Variants in LRRC4C observed in about 807,000 individuals in gnomAD.
LRRC4C encodes the protein leucine rich repeat containing 4C.
A neutral mutation model predicts 33.6 loss-of-function variants in LRRC4C; 5 were observed. That is an observed-to-expected ratio of 0.15 (90% CI 0.08 to 0.31). LRRC4C has a LOEUF of 0.31. Ranked by LOEUF, LRRC4C falls within the 10% of genes least tolerant of loss-of-function variation. The probability of loss-of-function intolerance (pLI) is 1.00; values close to 1 mark genes in which losing one functional copy is unlikely to be tolerated. For synonymous variants in LRRC4C, 329 were observed against 302.0 expected (o/e 1.09, Z -0.93); for missense variants, 560 against 796.7 (o/e 0.70, Z 3.58).
intron 1 of LRRC4C, among the ~76,000 whole-genome samples, chr11:41,066,421 A>G (rs1195396087): frequency 2.0e-5 from 3 of 152,246 alleles, no homozygotes; most frequent in African/African-American, 7.2e-5. Flanking sequence ...ATTATGTAAA[A>G]AGACCGAACC....
chr11:40,148,011 T>A (rs544252655), intron 5 of LRRC4C, among the ~76,000 whole-genome samples: 57 of 152,330 alleles, frequency 3.7e-4, no homozygotes, highest in African/African-American at 1.4e-3. Context: ...TTTCTGTTCC[T>A]GTGCTACTTT....
intron 3 of LRRC4C, among the ~76,000 whole-genome samples, chr11:40,588,293 G>C: frequency 6.6e-6 from 1 of 151,832 alleles, no homozygotes; most frequent in Non-Finnish European, 1.5e-5. Flanking sequence ...TCTGATGGTA[G>C]TTTGTATTTC....
chr11:41,052,821 G>T (rs938998349), intron 1 of LRRC4C, among the ~76,000 whole-genome samples: 1 of 152,110 alleles, frequency 6.6e-6, no homozygotes, highest in Non-Finnish European at 1.5e-5. Context: ...TTTACAAAAT[G>T]ATAATTACAT....
chr11:41,441,938 T>TA (rs1238836768), intron 1 of LRRC4C, among the ~76,000 whole-genome samples: 1 of 152,296 alleles, frequency 6.6e-6, no homozygotes, highest in South Asian at 2.1e-4. Context: ...TAGGAAGGTT[T>TA]AAAAAAATTA....
At chr11:40,969,178 T>C (rs1851550769) in intron 1 of LRRC4C, among the ~76,000 whole-genome samples, 1 of 152,088 alleles carries the variant, frequency 6.6e-6, no homozygotes, top group Admixed American at 6.6e-5. Context: ...AATGCAGATA[T>C]GATGAAAACA....
chr11:41,135,252 C>T (rs76918043), intron 1 of LRRC4C, among the ~76,000 whole-genome samples: 3,169 of 152,174 alleles, frequency 0.021, 41 homozygotes, highest in Non-Finnish European at 0.034. Flanking sequence ...TCTGCCTAGA[C>T]AAGCTTGTCT....
At chr11:40,527,662 A>T (rs1156743969) in intron 3 of LRRC4C, among the ~76,000 whole-genome samples, 1 of 152,218 alleles carries the variant, frequency 6.6e-6, no homozygotes, top group African/African-American at 2.4e-5. Context: ...GTCTTTGGAA[A>T]AGCTAAAGTG....
intron 4 of LRRC4C, among the ~76,000 whole-genome samples, chr11:40,262,591 A>G (rs777052280): frequency 1.3e-5 from 2 of 152,224 alleles, no homozygotes; most frequent in African/African-American, 2.4e-5. Flanking sequence ...CAAAATGCCC[A>G]TCAATGATAG....
At chr11:40,810,139 A>G (rs560765038) in intron 2 of LRRC4C, among the ~76,000 whole-genome samples, 62 of 152,270 alleles carry the variant, frequency 4.1e-4, no homozygotes, top group Middle Eastern at 3.4e-3. Flanking sequence ...AGTTTACTCA[A>G]ATCACTATTG....
chr11:40,629,639 C>A (rs2136005515), intron 3 of LRRC4C, among the ~76,000 whole-genome samples: 1 of 152,262 alleles, frequency 6.6e-6, no homozygotes, highest in East Asian at 1.9e-4. Flanking sequence ...GTCACCATAG[C>A]TTTGATTAAG....
At chr11:41,009,272 T>C (rs762909099) in intron 1 of LRRC4C, among the ~76,000 whole-genome samples, 1 of 151,924 alleles carries the variant, frequency 6.6e-6, no homozygotes, top group Non-Finnish European at 1.5e-5. Context: ...TGAATATATA[T>C]ATCCAAAACA....
chr11:41,184,038 C>G (rs1336571851), intron 1 of LRRC4C, among the ~76,000 whole-genome samples: 1 of 152,188 alleles, frequency 6.6e-6, no homozygotes, highest in African/African-American at 2.4e-5. Context: ...ACACAGGACA[C>G]CATGTTCCCA....
intron 1 of LRRC4C, among the ~76,000 whole-genome samples, chr11:41,281,077 T>TCTCTCTCTCTCTCTCTAC (rs1949654046): frequency 1.8e-5 from 1 of 54,424 alleles, no homozygotes; most frequent in Non-Finnish European, 3.4e-5. Context: ...TCTCTCTCTG[T>TCTCTCTCTCTCTCTCTAC]CCTCTCTCTC....
chr11:41,003,280 G>A (rs950049137), intron 1 of LRRC4C, among the ~76,000 whole-genome samples: 7 of 152,214 alleles, frequency 4.6e-5, no homozygotes, highest in East Asian at 1.9e-4. Context: ...AAGCAAAAAT[G>A]TCTATATGTA....
intron 3 of LRRC4C, among the ~76,000 whole-genome samples, chr11:40,491,753 C>T (rs78369628): frequency 6.6e-6 from 1 of 152,156 alleles, no homozygotes; most frequent in Non-Finnish European, 1.5e-5. Context: ...TGATTAGGGG[C>T]CTTTATTATA....
intron 5 of LRRC4C, among the ~76,000 whole-genome samples, chr11:40,229,198 T>C (rs1009907063): frequency 1.3e-5 from 2 of 152,170 alleles, no homozygotes; most frequent in Non-Finnish European, 2.9e-5. Context: ...TTTTCCTCTG[T>C]AACTATTGCA....
intron 2 of LRRC4C, among the ~76,000 whole-genome samples, chr11:40,869,081 C>CA (rs1954509680): frequency 9.2e-5 from 1 of 10,884 alleles, no homozygotes; most frequent in Non-Finnish European, 4.8e-3. Context: ...AGATTATTTC[C>CA]ATTTAGAAGT....
intron 1 of LRRC4C, among the ~76,000 whole-genome samples, chr11:41,235,811 G>A (rs1947997241): frequency 6.6e-6 from 1 of 151,968 alleles, no homozygotes; most frequent in African/African-American, 2.4e-5. Context: ...TGCCTCCCAG[G>A]GGAGTTCTTA....
At chr11:40,721,066 A>G (rs1946986772) in intron 2 of LRRC4C, among the ~76,000 whole-genome samples, 1 of 152,168 alleles carries the variant, frequency 6.6e-6, no homozygotes, top group South Asian at 2.1e-4. Context: ...GCTGTCTTCC[A>G]TAGAGATCTT....
Sources: allele counts gnomAD v4.1 joint callset (sites outside exome capture counted in the v4.1 genomes callset), GRCh38; gene constraint gnomAD v4.1.1; transcripts MANE v1.5; gene names NCBI Gene and HGNC (gene_info 2026-07-23, HGNC 2026-07-21).